ADAMTS12: variants seen among roughly 807,000 people sequenced by gnomAD.
The protein encoded by ADAMTS12 is ADAM metallopeptidase with thrombospondin type 1 motif 12.
A neutral mutation model predicts 167.8 loss-of-function variants in ADAMTS12; 118 were observed. That is an observed-to-expected ratio of 0.70 (90% CI 0.61 to 0.82). The LOEUF (loss-of-function observed/expected upper bound fraction) is 0.82, where lower values mean the gene tolerates loss of function less well. ADAMTS12 is among the 40% of genes least tolerant of loss of function. ADAMTS12 has a pLI of 0.00. For synonymous variants in ADAMTS12, 704 were observed against 716.9 expected, an observed-to-expected ratio of 0.98 and a Z score of 0.29; for missense variants, 1,916 against 1,998.8, an observed-to-expected ratio of 0.96 and a Z score of 0.79.
rs143497107 is a variant in ADAMTS12 at position 33,699,089 on chromosome 5, G to A, written c.635-15034C>T. Among the ~76,000 whole-genome samples the A allele has an allele frequency of 2.6e-3, 396 of 152,156 alleles. 3 individuals are homozygous for A. The highest frequency in any genetic ancestry group is 8.8e-3 in the African/African-American group (365 of 41,510). On this transcript the variant is annotated intron_variant, in intron 3 of 23. Transcript: ENST00000504830. ...GGAGAATTGCTTGAATCCAGGAGGC[G>A]GAGGTTGCAGTAAACTGAGATCACA...
intron 19 of ADAMTS12, among the ~76,000 whole-genome samples, chr5:33,573,634 A>T (rs1746509883): frequency 6.6e-6 from 1 of 152,226 alleles, no homozygotes; most frequent in South Asian, 2.1e-4. Context: ...ACCTAAAACC[A>T]TAAAAACCCT....
intron 2 of ADAMTS12, among the ~76,000 whole-genome samples, chr5:33,754,883 A>G (rs1368019107): frequency 6.6e-6 from 1 of 152,160 alleles, no homozygotes; most frequent in Non-Finnish European, 1.5e-5. Flanking sequence ...TAAATAAATA[A>G]ATAAGTATCT....
At position 33,648,287 on chromosome 5, in the gene ADAMTS12, G is replaced by A. The variant is rs529691022; in HGVS notation, c.1479+535C>T. 2.1e-4 allele frequency among the ~76,000 whole-genome samples: 32 copies of A among 152,330 alleles called. No homozygotes were observed. In the South Asian group the frequency reaches 5.0e-3, roughly 24 times the overall value. Reference sequence around the variant, plus strand: ...GGGAGACTAGGTAGGAGATAATTACGATAGCAAGGAAAGATGATGAGAGAC... The same window carrying A: ...GGGAGACTAGGTAGGAGATAATTACAATAGCAAGGAAAGATGATGAGAGAC... On this transcript the variant is annotated intron_variant, in intron 9 of 23. Coordinates refer to ENST00000504830, the MANE Select transcript of ADAMTS12 (RefSeq NM_030955.4).
At chr5:33,670,183 TATC>T (rs1371001574) in intron 5 of ADAMTS12, among the ~76,000 whole-genome samples, 2 of 150,362 alleles carry the variant, frequency 1.3e-5, no homozygotes, top group Non-Finnish European at 3.0e-5. Context: ...AATAGGCAAA[TATC>T]ATAAAGAGAC....
At chr5:33,536,940 C>A (rs1349651281) in intron 22 of ADAMTS12, among the ~76,000 whole-genome samples, 1 of 152,194 alleles carries the variant, frequency 6.6e-6, no homozygotes, top group Non-Finnish European at 1.5e-5. Context: ...TTATACAGAG[C>A]TCTGAGATAT....
intron 23 of ADAMTS12, among the ~76,000 whole-genome samples, chr5:33,531,002 A>G (rs1283358857): frequency 6.6e-6 from 1 of 152,206 alleles, no homozygotes; most frequent in African/African-American, 2.4e-5. Context: ...TGGGCCCTTC[A>G]TCCAACCTGA....
intron 1 of ADAMTS12, among the ~76,000 whole-genome samples, chr5:33,883,771 C>T (rs4866398): frequency 0.049 from 7,419 of 152,160 alleles, 315 homozygotes; most frequent in East Asian, 0.17. Context: ...AAAGCTTTTT[C>T]GCAAATTCAT....
intron 15 of ADAMTS12, among the ~76,000 whole-genome samples, chr5:33,615,074 CAT>C (rs1354661053): frequency 2.0e-5 from 3 of 152,184 alleles, no homozygotes; most frequent in East Asian, 1.9e-4. Flanking sequence ...CTACTTATCA[CAT>C]GTTTAAAATT....
chr5:33,847,461 A>G (rs1003948724), intron 2 of ADAMTS12, among the ~76,000 whole-genome samples: 4 of 152,124 alleles, frequency 2.6e-5, no homozygotes, highest in Admixed American at 2.6e-4. Flanking sequence ...CGTCTCTACT[A>G]AAAACACAAA....
Position 33,527,709 on chromosome 5 carries a change from A to G in ADAMTS12, c.4607-343T>C, listed in dbSNP as rs192293425. Reference sequence around the variant, plus strand: ...TTTAGATAATGGGATGCTAGTAGACACGATCTCTGCAGTGACTTGGAATGT... The same window carrying G: ...TTTAGATAATGGGATGCTAGTAGACGCGATCTCTGCAGTGACTTGGAATGT... On this transcript the variant is annotated intron_variant, in intron 23 of 23. Transcript: ENST00000504830. 1.5e-3 allele frequency among the ~76,000 whole-genome samples: 234 copies of G among 152,304 alleles called. 1 individual carries two copies. The highest frequency in any genetic ancestry group is 5.5e-3 in the African/African-American group (227 of 41,562).
intron 13 of ADAMTS12, among the ~76,000 whole-genome samples, chr5:33,626,202 T>C (rs935161225): frequency 6.6e-6 from 1 of 150,546 alleles, no homozygotes; most frequent in African/African-American, 2.4e-5. Flanking sequence ...AAGGTGGTGA[T>C]AATAGTGGTG....
At chr5:33,634,278 G>A (rs1337830299) in intron 12 of ADAMTS12, among the ~76,000 whole-genome samples, 4 of 152,064 alleles carry the variant, frequency 2.6e-5, no homozygotes, top group East Asian at 1.9e-4. Flanking sequence ...GCATTAGACC[G>A]GTGCTTTTAC....
intron 5 of ADAMTS12, among the ~76,000 whole-genome samples, chr5:33,677,111 T>A (rs1296097399): frequency 6.6e-6 from 1 of 152,176 alleles, no homozygotes; most frequent in Non-Finnish European, 1.5e-5. Context: ...TCCAACATCA[T>A]ATGACCCTGA....
chr5:33,660,832 A>C (rs1226547104), intron 6 of ADAMTS12, among the ~76,000 whole-genome samples: 1 of 152,230 alleles, frequency 6.6e-6, no homozygotes, highest in Non-Finnish European at 1.5e-5. Flanking sequence ...CCTGTGGGAT[A>C]CATTCACATT....
chr5:33,619,764 G>A (rs1739215971), intron 14 of ADAMTS12, among the ~76,000 whole-genome samples: 1 of 152,170 alleles, frequency 6.6e-6, no homozygotes, highest in Admixed American at 6.5e-5. Flanking sequence ...GTGCGATCTG[G>A]GCTCACTGCA....
intron 5 of ADAMTS12, among the ~76,000 whole-genome samples, chr5:33,669,366 G>A (rs1395210509): frequency 6.6e-6 from 1 of 152,086 alleles, no homozygotes; most frequent in Admixed American, 6.6e-5. Flanking sequence ...GTTGCCCATG[G>A]GGATGGGGAA....
chr5:33,889,883 C>T (rs1328967470), intron 1 of ADAMTS12, among the ~76,000 whole-genome samples: 2 of 152,138 alleles, frequency 1.3e-5, no homozygotes, highest in African/African-American at 4.8e-5. Flanking sequence ...ACCCGGGAGG[C>T]AGAGGTTGCA....
chr5:33,815,765 G>A (rs1417712611), intron 2 of ADAMTS12, among the ~76,000 whole-genome samples: 3 of 152,114 alleles, frequency 2.0e-5, no homozygotes, highest in Non-Finnish European at 4.4e-5. Context: ...AGATCGCAAA[G>A]GTATCCAGGA....
chr5:33,637,178 T>TC (rs1354133659), intron 12 of ADAMTS12, among the ~76,000 whole-genome samples: 1 of 152,130 alleles, frequency 6.6e-6, no homozygotes, highest in Non-Finnish European at 1.5e-5. Flanking sequence ...CTGGAAGCCT[T>TC]TTTTTTGCAA....
Sources: allele counts gnomAD v4.1 joint callset (sites outside exome capture counted in the v4.1 genomes callset), GRCh38; gene constraint gnomAD v4.1.1; transcripts MANE v1.5; gene names NCBI Gene and HGNC (gene_info 2026-07-23, HGNC 2026-07-21).